EYS: variants seen among roughly 807,000 people sequenced by gnomAD.
EYS encodes protein eyes shut homolog.
EYS carries 250 observed loss-of-function variants against 282.1 expected under a neutral mutation model. The observed-to-expected ratio is 0.89, with a 90% CI of 0.80 to 0.98. The LOEUF (loss-of-function observed/expected upper bound fraction) is 0.98. EYS is among the 50% of genes least tolerant of loss of function. The pLI is 0.00. For synonymous variants in EYS, 1,355 were observed against 1,282.9 expected, an observed-to-expected ratio of 1.06 and a Z score of -1.20; for missense variants, 4,016 against 3,709.0, an observed-to-expected ratio of 1.08 and a Z score of -2.15.
At position 65,175,319 on chromosome 6, in the gene EYS, G is replaced by C. The variant is rs191034495; in HGVS notation, c.2024-117592C>G. 3.9e-3 allele frequency among the ~76,000 whole-genome samples: 594 copies of C among 151,460 alleles called. 3 individuals carry two copies. Among genetic ancestry groups the C allele is most frequent in the African/African-American group, 0.014 (569 of 41,496 alleles). On this transcript the variant is annotated intron_variant, in intron 12 of 42. Coordinates refer to ENST00000503581, the MANE Select transcript of EYS (RefSeq NM_001142800.2). ...TAATAGTAAGGCAAGCACAGGAGAT[G>C]TGCTTAAGCTATAGTAAAAACTTTT...
At chr6:63,933,315 C>T (rs1764954286) in intron 35 of EYS, among the ~76,000 whole-genome samples, 2 of 152,142 alleles carry the variant, frequency 1.3e-5, no homozygotes, top group Admixed American at 1.3e-4. Flanking sequence ...TCACTGCAAC[C>T]TCCACCTCAG....
chr6:63,753,152 A>ATATATATATATATGTATATATATT (rs1289184094), intron 41 of EYS, among the ~76,000 whole-genome samples: 1 of 144,350 alleles, frequency 6.9e-6, no homozygotes, highest in African/African-American at 2.5e-5. Context: ...ATATATATAT[A>ATATATATATATATGTATATATATT]TATATATATA....
rs1040263723 is a variant in EYS, at chr6:64,561,858, T to G, written c.5644+28365A>C. 2.7e-5 allele frequency among the ~76,000 whole-genome samples: 4 copies of G among 147,498 alleles called. No individual in the cohort carries two copies. In the East Asian group the frequency reaches 8.1e-4, roughly 30 times the overall value. Reference sequence around the variant, plus strand: ...CCAAAGCAATTTACAGATTTAATACTATGACTATCAAACTACCAATGGCAT... The same window carrying G: ...CCAAAGCAATTTACAGATTTAATACGATGACTATCAAACTACCAATGGCAT... On this transcript the variant is annotated intron_variant, in intron 26 of 42. Coordinates refer to ENST00000503581, the MANE Select transcript of EYS (RefSeq NM_001142800.2).
intron 5 of EYS, among the ~76,000 whole-genome samples, chr6:65,488,671 C>A (rs1765907250): frequency 6.6e-6 from 1 of 152,112 alleles, no homozygotes; most frequent in African/African-American, 2.4e-5. Context: ...ATAGCCAAGA[C>A]AATCCTGGGC....
intron 26 of EYS, among the ~76,000 whole-genome samples, chr6:64,535,926 G>T (rs910298059): frequency 1.3e-5 from 2 of 151,756 alleles, no homozygotes; most frequent in Non-Finnish European, 2.9e-5. Flanking sequence ...CTTAACCTTA[G>T]ATTAAGACTT....
At chr6:65,550,152 T>TGC (rs1768560292) in intron 2 of EYS, among the ~76,000 whole-genome samples, 1 of 9,304 alleles carries the variant, frequency 1.1e-4, no homozygotes, top group Non-Finnish European at 1.4e-4. Flanking sequence ...TCTTTTTTTT[T>TGC]TTTTTTTTTT....
intron 14 of EYS, among the ~76,000 whole-genome samples, chr6:64,976,193 C>T (rs979054754): frequency 2.0e-5 from 3 of 151,800 alleles, no homozygotes; most frequent in Non-Finnish European, 4.4e-5. Context: ...TCTTTTTTGA[C>T]TTACATTGTT....
intron 31 of EYS, among the ~76,000 whole-genome samples, chr6:64,203,420 GA>G (rs1350550843): frequency 6.6e-6 from 1 of 152,186 alleles, no homozygotes; most frequent in Non-Finnish European, 1.5e-5. Context: ...AGGACATATA[GA>G]AGAGTGTAAG....
At chr6:65,575,711 GA>G (rs1165225638) in intron 2 of EYS, among the ~76,000 whole-genome samples, 2 of 150,884 alleles carry the variant, frequency 1.3e-5, no homozygotes, top group Non-Finnish European at 1.5e-5. Flanking sequence ...GACCAACAGG[GA>G]AAAAAAAGAA....
chr6:64,853,591 T>C (rs1424052178), intron 19 of EYS, among the ~76,000 whole-genome samples: 1 of 152,158 alleles, frequency 6.6e-6, no homozygotes, highest in Non-Finnish European at 1.5e-5. Flanking sequence ...ATGCTAAGGG[T>C]TCAAACTTAT....
chr6:65,429,329 C>T (rs1767788101), intron 5 of EYS, among the ~76,000 whole-genome samples: 1 of 152,092 alleles, frequency 6.6e-6, no homozygotes, highest in African/African-American at 2.4e-5. Context: ...TATAAAGCCG[C>T]TTACTCTTCC....
chr6:65,378,255 AT>A (rs1244199471), intron 8 of EYS, among the ~76,000 whole-genome samples: 1 of 152,190 alleles, frequency 6.6e-6, no homozygotes, highest in Non-Finnish European at 1.5e-5. Context: ...AAAAGAAGAC[AT>A]TTATGCAGTC....
chr6:65,504,282 A>G (rs1019898308), intron 2 of EYS, among the ~76,000 whole-genome samples: 2 of 151,712 alleles, frequency 1.3e-5, no homozygotes. Context: ...TTGACTTTGT[A>G]TACAGTATTA....
intron 2 of EYS, among the ~76,000 whole-genome samples, chr6:65,604,864 G>C (rs1390708899): frequency 8.1e-6 from 1 of 122,722 alleles, no homozygotes; most frequent in East Asian, 2.7e-4. Context: ...TTTTTTTTGA[G>C]ACAGGGTCTT....
chr6:64,701,411 AAC>A (rs1770784024), intron 22 of EYS, among the ~76,000 whole-genome samples: 1 of 152,118 alleles, frequency 6.6e-6, no homozygotes, highest in African/African-American at 2.4e-5. Flanking sequence ...GAATGGGAGA[AAC>A]TATTTGCATA....
At chr6:64,269,458 A>C (rs142092125) in intron 30 of EYS, among the ~76,000 whole-genome samples, 113 of 152,152 alleles carry the variant, frequency 7.4e-4, no homozygotes, top group African/African-American at 2.6e-3. Context: ...AGAAGGGAAA[A>C]GATAGTTATC....
chr6:64,675,807 C>T (rs1015116324), intron 22 of EYS, among the ~76,000 whole-genome samples: 3 of 151,742 alleles, frequency 2.0e-5, no homozygotes, highest in Non-Finnish European at 2.9e-5. Flanking sequence ...AAGTACTTTA[C>T]CTGCACTATG....
At chr6:64,142,050 G>A (rs1774353804) in intron 31 of EYS, among the ~76,000 whole-genome samples, 2 of 152,076 alleles carry the variant, frequency 1.3e-5, no homozygotes, top group Non-Finnish European at 2.9e-5. Context: ...GGCCTTAGGG[G>A]AGGAAGGAGC....
intron 12 of EYS, among the ~76,000 whole-genome samples, chr6:65,229,259 C>T (rs116546041): frequency 0.012 from 1,709 of 137,446 alleles, 25 homozygotes; most frequent in Middle Eastern, 0.022. Context: ...ACTAGTGTTG[C>T]GGCTAGATAA....
Sources: gnomAD v4.1 joint callset for allele counts (sites outside exome capture counted in the v4.1 genomes callset) on GRCh38, gnomAD v4.1.1 for gene constraint, MANE v1.5 for transcripts, NCBI Gene and HGNC (gene_info 2026-07-23, HGNC 2026-07-21) for gene names.